The following FBXW11 variants were observed in gnomAD, a reference collection of about 807,000 sequenced individuals.
The protein encoded by FBXW11 is F-box/WD repeat-containing protein 11.
In FBXW11, 19 loss-of-function variants were observed where a neutral mutation model predicts 77.6. That is an observed-to-expected ratio of 0.24 (90% CI 0.17 to 0.36). FBXW11 has a LOEUF of 0.36. Among genes scored for constraint, FBXW11 ranks in the 10% least tolerant of loss-of-function variants. FBXW11 has a pLI of 1.00. For missense variants in FBXW11, 334 were observed against 704.2 expected (o/e 0.47, Z 5.95); for synonymous variants, 235 against 249.4 (o/e 0.94, Z 0.54).
At chr5:171,868,883 G>A in intron 12 of FBXW11, 87 bp from the exon 13 acceptor site, 1 of 1,281,234 alleles carries the variant, frequency 7.8e-7, no homozygotes, top group Non-Finnish European at 1.1e-6. Context: ...AGATGAAAAT[G>A]CAGCCACTTA....
chr5:171,874,000 A>G (rs2113767494), intron 9 of FBXW11, among the ~76,000 whole-genome samples: 1 of 152,356 alleles, frequency 6.6e-6, no homozygotes, highest in Middle Eastern at 3.4e-3. Context: ...CTGAAACTAT[A>G]CAAGTCTTGA....
intron 13 of FBXW11, among the ~76,000 whole-genome samples, chr5:171,866,589 G>C (rs1414720965): frequency 1.3e-5 from 2 of 152,182 alleles, no homozygotes; most frequent in Admixed American, 1.3e-4. Flanking sequence ...AAGGAATCTT[G>C]TTCAGGGCAC....
intron 6 of FBXW11, among the ~76,000 whole-genome samples, chr5:171,897,047 G>A (rs1759789664): frequency 6.6e-6 from 1 of 152,184 alleles, no homozygotes; most frequent in Non-Finnish European, 1.5e-5. Flanking sequence ...AAGGGTAGAA[G>A]GGTACATGGT....
intron 1 of FBXW11, among the ~76,000 whole-genome samples, chr5:171,995,970 T>C (rs576766331): frequency 6.6e-6 from 1 of 152,354 alleles, no homozygotes; most frequent in East Asian, 1.9e-4. Context: ...AGCTTGGTTC[T>C]ACCATTTACT....
intron 13 of FBXW11, among the ~76,000 whole-genome samples, chr5:171,867,294 A>C (rs190314385): frequency 3.9e-5 from 6 of 152,356 alleles, no homozygotes; most frequent in Admixed American, 3.9e-4. Context: ...AAACAGCCAC[A>C]GACAATACAT....
chr5:171,930,531 T>C (rs1023653182), intron 2 of FBXW11, among the ~76,000 whole-genome samples: 3 of 152,030 alleles, frequency 2.0e-5, no homozygotes, highest in Non-Finnish European at 4.4e-5. Flanking sequence ...ACTGAAAGAA[T>C]TGTTAAGAGT....
chr5:171,899,007 T>C lies in FBXW11; in HGVS notation c.711A>G (p.Ile237Met). The C allele has an allele frequency of 1.3e-6, 2 of 1,587,634 alleles. No homozygotes were observed. Among genetic ancestry groups the C allele is most frequent in the Non-Finnish European group, 1.7e-6 (2 of 1,166,586 alleles). Reference protein sequence around the residue: ...RSLYPKIIQDIETIESNWRCG... With the variant: ...RSLYPKIIQDMETIESNWRCG... ...AACAGATAAATCATAAAGTTACCTC[T>C]ATATCCTGGATAATCTTTGGGTATA... The change falls in exon 6 of 14, where the codon ATA (isoleucine) becomes ATG (methionine). Residue 237 changes from isoleucine to methionine, a missense_variant. Transcript: ENST00000517395.
chr5:171,964,359 T>A (rs928984904), intron 1 of FBXW11, among the ~76,000 whole-genome samples: 6 of 152,274 alleles, frequency 3.9e-5, no homozygotes, highest in Non-Finnish European at 8.8e-5. Context: ...CCCTTTCCAC[T>A]GGGAATCTCT....
Position 171,887,344 on chromosome 5 carries a change from T to G in FBXW11, c.852+4123A>C, listed in dbSNP as rs192920750. 7.2e-5 allele frequency among the ~76,000 whole-genome samples: 11 copies of G among 152,112 alleles called. No individual in the cohort carries two copies. The East Asian group carries it at 2.1e-3, about 29-fold the overall frequency. ...TAATTCAGAGTGCGTTTGACCTAGG[T>G]AGCTGAATTACTAAAATTCCACTAT... On this transcript the variant is annotated intron_variant, in intron 7 of 13. Transcript: ENST00000517395.
intron 1 of FBXW11, among the ~76,000 whole-genome samples, chr5:171,985,127 G>A (rs146834064): frequency 6.6e-6 from 1 of 152,104 alleles, no homozygotes; most frequent in Admixed American, 6.6e-5. Flanking sequence ...CATACCATCT[G>A]TTACTATCTC....
At chr5:171,868,460 G>T (rs796419087) in intron 13 of FBXW11, 150 bp downstream of exon 13, 30 of 553,232 alleles carry the variant, frequency 5.4e-5, no homozygotes, top group African/African-American at 5.2e-4. Flanking sequence ...TGACTATAAA[G>T]ATCCAGCCTT....
intron 1 of FBXW11, among the ~76,000 whole-genome samples, chr5:171,993,170 G>A (rs1299444884): frequency 2.0e-5 from 3 of 151,904 alleles, no homozygotes; most frequent in Non-Finnish European, 4.4e-5. Context: ...CTCAGTCCCA[G>A]GCCAACAGAC....
intron 1 of FBXW11, among the ~76,000 whole-genome samples, chr5:172,005,784 C>G (rs2113638161): frequency 6.6e-6 from 1 of 152,284 alleles, no homozygotes; most frequent in Admixed American, 6.5e-5. Context: ...AGGATGGAAT[C>G]CAGAGTACCT....
At chr5:171,934,850 A>C (rs1168479319) in intron 2 of FBXW11, among the ~76,000 whole-genome samples, 2 of 152,288 alleles carry the variant, frequency 1.3e-5, no homozygotes, top group East Asian at 3.9e-4. Context: ...CTAAAGAAAA[A>C]AATAAAATAA....
intron 1 of FBXW11, among the ~76,000 whole-genome samples, chr5:171,993,180 C>T (rs1357697622): frequency 6.6e-6 from 1 of 151,918 alleles, no homozygotes; most frequent in African/African-American, 2.4e-5. Flanking sequence ...GGCCAACAGA[C>T]GTCTTACTTC....
chr5:171,947,190 C>G (rs905572266), intron 2 of FBXW11, among the ~76,000 whole-genome samples: 2 of 152,154 alleles, frequency 1.3e-5, no homozygotes, highest in African/African-American at 4.8e-5. Flanking sequence ...GTGCACTCCT[C>G]TATTACCAGG....
intron 2 of FBXW11, among the ~76,000 whole-genome samples, chr5:171,920,567 A>G (rs1444731951): frequency 6.6e-6 from 1 of 152,118 alleles, no homozygotes; most frequent in Non-Finnish European, 1.5e-5. Flanking sequence ...CTCTTAAAAA[A>G]ATTTAAAAAT....
At chr5:172,005,418 T>C (rs1288987783) in intron 1 of FBXW11, among the ~76,000 whole-genome samples, 2 of 152,246 alleles carry the variant, frequency 1.3e-5, no homozygotes, top group Admixed American at 6.5e-5. Flanking sequence ...CATGTTCACG[T>C]TGGCAGGTAA....
chr5:171,935,257 G>A lies in FBXW11; in HGVS notation c.148-20852C>T, dbSNP rs371491847. On this transcript the variant is annotated intron_variant, in intron 2 of 13. Coordinates refer to ENST00000517395, the MANE Select transcript of FBXW11 (RefSeq NM_001378974.1). The stretch of plus-strand genomic sequence containing the variant: ...CAGGCGTGAGCCACCGCGCCCAGCC[G>A]GTAGCGTGTTTCTTTTGGTGGTGAT... Among the ~76,000 whole-genome samples, 48 of 152,188 alleles carry A rather than the reference G, an allele frequency of 3.2e-4. No homozygotes were observed. The South Asian group carries it at 8.9e-3, about 28-fold the overall frequency.
Sources: allele counts gnomAD v4.1 joint callset (sites outside exome capture counted in the v4.1 genomes callset), GRCh38; gene constraint gnomAD v4.1.1; transcripts MANE v1.5; gene names NCBI Gene and HGNC (gene_info 2026-07-23, HGNC 2026-07-21).